LRIG1: variants seen among roughly 807,000 people sequenced by gnomAD.
The protein encoded by LRIG1 is leucine rich repeats and immunoglobulin like domains 1.
In LRIG1, 48 loss-of-function variants were observed where a neutral mutation model predicts 99.2. That is an observed-to-expected ratio of 0.48 (90% CI 0.38 to 0.62). The LOEUF (loss-of-function observed/expected upper bound fraction) is 0.62, where lower values mean the gene tolerates loss of function less well. LRIG1 is among the 20% of genes least tolerant of loss of function. The pLI, the probability that LRIG1 is intolerant of heterozygous loss-of-function variation, is 0.00. For missense variants in LRIG1, 1,646 were observed against 1,434.4 expected, an observed-to-expected ratio of 1.15 and a Z score of -2.38; for synonymous variants, 772 against 596.1, an observed-to-expected ratio of 1.29 and a Z score of -4.30.
At chr3:66,460,096 T>C (rs560564716) in intron 2 of LRIG1, among the ~76,000 whole-genome samples, 1 of 152,270 alleles carries the variant, frequency 6.6e-6, no homozygotes, top group South Asian at 2.1e-4. Flanking sequence ...GTGCCTCACT[T>C]GCCCCTCCCC....
chr3:66,465,401 T>TCGC (rs1700451573), intron 1 of LRIG1, among the ~76,000 whole-genome samples: 1 of 140,010 alleles, frequency 7.1e-6, no homozygotes, highest in Non-Finnish European at 1.5e-5. Context: ...TCTTGCTCTG[T>TCGC]CGCCCAGGCT....
At chr3:66,479,068 G>C (rs751987302) in intron 1 of LRIG1, among the ~76,000 whole-genome samples, 7 of 152,092 alleles carry the variant, frequency 4.6e-5, no homozygotes, top group Non-Finnish European at 7.4e-5. Flanking sequence ...CCTTCCCCCA[G>C]CTTCTGGTCT....
At chr3:66,432,733 G>A (rs1384960437) in intron 3 of LRIG1, among the ~76,000 whole-genome samples, 1 of 152,154 alleles carries the variant, frequency 6.6e-6, no homozygotes, top group African/African-American at 2.4e-5. Context: ...GAAGCGGGCA[G>A]AAGAAACCTG....
intron 9 of LRIG1, among the ~76,000 whole-genome samples, 198 bp downstream of exon 9, chr3:66,405,000 C>A (rs1702209639): frequency 6.6e-6 from 1 of 152,210 alleles, no homozygotes; most frequent in African/African-American, 2.4e-5. Context: ...AACACCCAGG[C>A]CATCAAGGAG....
At chr3:66,398,041 C>T (rs1701922296) in intron 11 of LRIG1, 71 bp downstream of exon 11, 1 of 1,221,350 alleles carries the variant, frequency 8.2e-7, no homozygotes, top group Non-Finnish European at 1.2e-6. Context: ...GAGCATAATG[C>T]AATTGCAGAA....
intron 2 of LRIG1, among the ~76,000 whole-genome samples, chr3:66,460,290 T>C (rs534027638): frequency 8.3e-4 from 126 of 152,308 alleles, no homozygotes; most frequent in Non-Finnish European, 1.5e-3. Context: ...AATTTGAATA[T>C]ATTCTAACCA....
At chr3:66,485,490 G>A (rs539476838) in intron 1 of LRIG1, among the ~76,000 whole-genome samples, 25 of 152,208 alleles carry the variant, frequency 1.6e-4, no homozygotes, top group African/African-American at 5.5e-4. Flanking sequence ...ACCATGACTC[G>A]CCCATCTTTT....
intron 9 of LRIG1, chr3:66,401,633 T>C (rs1011628086): frequency 6.5e-7 from 1 of 1,529,564 alleles, no homozygotes; most frequent in Non-Finnish European, 8.7e-7. Context: ...CATATGGGGC[T>C]GGGACGGGGA....
At chr3:66,415,157 G>A in intron 4 of LRIG1, 94 bp from the exon 5 acceptor site, 1 of 1,300,900 alleles carries the variant, frequency 7.7e-7, no homozygotes, top group Non-Finnish European at 1.0e-6. Flanking sequence ...GAGTTGGGAA[G>A]ATGAGTTAAG....
intron 3 of LRIG1, among the ~76,000 whole-genome samples, chr3:66,437,101 T>C (rs1575690465): frequency 6.6e-6 from 1 of 152,174 alleles, no homozygotes; most frequent in Non-Finnish European, 1.5e-5. Context: ...CCTCCCTCAT[T>C]TTCCTTCCGT....
intron 9 of LRIG1, among the ~76,000 whole-genome samples, chr3:66,399,305 C>G (rs985800626): frequency 9.9e-5 from 15 of 152,126 alleles, no homozygotes; most frequent in African/African-American, 3.6e-4. Context: ...TGCCGTCTGG[C>G]CTAAAAAAGG....
At chr3:66,382,162 G>C (rs757401518) in intron 16 of LRIG1, 111 bp downstream of exon 16, 2 of 1,270,170 alleles carry the variant, frequency 1.6e-6, no homozygotes, top group Non-Finnish European at 1.1e-6. Context: ...ACTTCACCAA[G>C]TTTGCCCCAT....
In LRIG1 at chr3:66,385,967, T is replaced by C. The variant is rs927930901; in HGVS notation, c.1789+14A>G. The C allele has an allele frequency of 8.1e-6, 13 of 1,607,732 alleles. No individual in the cohort carries two copies. Among genetic ancestry groups the C allele is most frequent in the African/African-American group, 1.3e-5 (1 of 74,786 alleles). On this transcript the variant is annotated intron_variant, in intron 13 of 18. Coordinates refer to ENST00000273261, the MANE Select transcript of LRIG1 (RefSeq NM_015541.3). ...TAGGATTCTGGTACTATAACAAAGA[T>C]GGTGTTTCCATACCATTCACGGTGA...
In LRIG1 at chr3:66,496,682, T is replaced by A. The variant is rs149638534; in HGVS notation, c.218+3508A>T. 3.2e-4 allele frequency among the ~76,000 whole-genome samples: 48 copies of A among 152,256 alleles called. 1 individual carries two copies. The East Asian group carries it at 8.5e-3, about 27-fold the overall frequency. ...GACTTTTGTTTCAAAGTCTGTTGAG[T>A]TTAAGTGATATGGAGAAGGAAATAT... On this transcript the variant is annotated intron_variant, in intron 1 of 18. Transcript: ENST00000273261.
chr3:66,401,757 C>G (rs1702065727), intron 9 of LRIG1: 11 of 1,021,572 alleles, frequency 1.1e-5, no homozygotes, highest in Admixed American at 8.2e-5. Context: ...GGCTCCCTTT[C>G]AGAAGGAACA....
At chr3:66,434,264 A>C (rs1485539725) in intron 3 of LRIG1, among the ~76,000 whole-genome samples, 1 of 152,220 alleles carries the variant, frequency 6.6e-6, no homozygotes, top group Non-Finnish European at 1.5e-5. Context: ...AAACAACAAC[A>C]AAAAACAACC....
At chr3:66,466,220 C>T (rs1289478098) in intron 1 of LRIG1, among the ~76,000 whole-genome samples, 1 of 152,078 alleles carries the variant, frequency 6.6e-6, no homozygotes, top group African/African-American at 2.4e-5. Context: ...TTTTAGTAGA[C>T]ATGGTGGGGG....
At chr3:66,409,023 G>A (rs533363975) in intron 7 of LRIG1, among the ~76,000 whole-genome samples, 1 of 149,044 alleles carries the variant, frequency 6.7e-6, no homozygotes, top group African/African-American at 2.5e-5. Flanking sequence ...GAACACAGAA[G>A]ACCAGACACA....
intron 3 of LRIG1, among the ~76,000 whole-genome samples, chr3:66,443,642 GACAAC>G (rs1703621505): frequency 6.6e-6 from 1 of 152,202 alleles, no homozygotes; most frequent in African/African-American, 2.4e-5. Flanking sequence ...GCCCCTGTAT[GACAAC>G]TGTCTGTTCA....
Sources: gnomAD v4.1 joint callset for allele counts (sites outside exome capture counted in the v4.1 genomes callset) on GRCh38, gnomAD v4.1.1 for gene constraint, MANE v1.5 for transcripts, NCBI Gene and HGNC (gene_info 2026-07-23, HGNC 2026-07-21) for gene names.